The following ELMO1 variants were observed in gnomAD, a reference collection of about 807,000 sequenced individuals.
ELMO1 encodes the protein engulfment and cell motility protein 1.
Under a neutral mutation model 98.9 loss-of-function variants are expected in ELMO1, and 26 were observed. The ratio of observed to expected loss-of-function variants is 0.26; its 90% CI spans 0.19 to 0.36. ELMO1 has a LOEUF of 0.36. Among genes scored for constraint, ELMO1 ranks in the 10% least tolerant of loss-of-function variants. The probability of loss-of-function intolerance (pLI) is 1.00; values close to 1 mark genes in which losing one functional copy is unlikely to be tolerated. For missense variants in ELMO1, 627 were observed against 935.2 expected (o/e 0.67, Z 4.30); for synonymous variants, 346 against 346.0 (o/e 1.00, Z 0.00).
intron 4 of ELMO1, among the ~76,000 whole-genome samples, chr7:37,302,289 C>T (rs1798390394): frequency 6.6e-6 from 1 of 152,184 alleles, no homozygotes; most frequent in Admixed American, 6.5e-5. Context: ...TGCCATGCAC[C>T]AGGCTATGTC....
At chr7:37,323,562 C>T (rs1003503884) in intron 2 of ELMO1, among the ~76,000 whole-genome samples, 2 of 152,038 alleles carry the variant, frequency 1.3e-5, no homozygotes, top group Non-Finnish European at 2.9e-5. Context: ...GTGTGGCAGG[C>T]GCCTGTAATC....
rs1049068167 is a variant in ELMO1 at position 36,870,834 on chromosome 7, C to T, written c.1823-359G>A. ...TGTAATAACAACAGTGATACTCATA[C>T]TGATATTACAGAGGGCTCCTGTGTG... On this transcript the variant is annotated intron_variant, in intron 19 of 21. Coordinates refer to ENST00000310758, the MANE Select transcript of ELMO1 (RefSeq NM_014800.11). This position sits in a 1 kb window ranked among gnomAD's most constrained non-coding sequence, Gnocchi z 4.4. Among the ~76,000 whole-genome samples, 1 of 152,200 alleles carries T rather than the reference C, an allele frequency of 6.6e-6. No homozygotes were observed. Among genetic ancestry groups the T allele is most frequent in the Non-Finnish European group, 1.5e-5 (1 of 68,036 alleles).
intron 17 of ELMO1, among the ~76,000 whole-genome samples, chr7:36,892,485 G>A (rs1234548245): frequency 6.6e-6 from 1 of 152,116 alleles, no homozygotes; most frequent in Non-Finnish European, 1.5e-5. Flanking sequence ...AGTGTCTCTG[G>A]GTCTCTGTCT....
chr7:37,072,439 A>G (rs1797329883), intron 15 of ELMO1, among the ~76,000 whole-genome samples: 1 of 152,208 alleles, frequency 6.6e-6, no homozygotes. Context: ...TGGAACTGTA[A>G]GTTCATTAAA....
chr7:37,173,495 T>G (rs538771842), intron 13 of ELMO1, among the ~76,000 whole-genome samples: 1 of 152,330 alleles, frequency 6.6e-6, no homozygotes, highest in South Asian at 2.1e-4. Flanking sequence ...TATTTCAAAT[T>G]AAGTAGTGAA....
chr7:37,344,176 C>T (rs183329010), intron 1 of ELMO1, among the ~76,000 whole-genome samples: 3 of 151,792 alleles, frequency 2.0e-5, no homozygotes, highest in East Asian at 3.9e-4. Flanking sequence ...GGATTACAGA[C>T]GCACACCACC....
chr7:37,230,407 A>G (rs1794105403), intron 8 of ELMO1, among the ~76,000 whole-genome samples: 1 of 152,142 alleles, frequency 6.6e-6, no homozygotes, highest in African/African-American at 2.4e-5. Flanking sequence ...GGCTCCGGGA[A>G]CTATGCCTTC....
chr7:37,249,791 T>C (rs1190186313), intron 6 of ELMO1, among the ~76,000 whole-genome samples: 1 of 152,186 alleles, frequency 6.6e-6, no homozygotes, highest in Non-Finnish European at 1.5e-5. Flanking sequence ...TTAAAAATAT[T>C]CAGAAAGCCA....
chr7:37,304,090 G>C (rs1199219107), intron 4 of ELMO1, among the ~76,000 whole-genome samples: 1 of 152,012 alleles, frequency 6.6e-6, no homozygotes, highest in Non-Finnish European at 1.5e-5. Context: ...CCTCTCTAGA[G>C]GAAACATAGC....
At chr7:37,027,733 G>A (rs145829459) in intron 15 of ELMO1, among the ~76,000 whole-genome samples, 2 of 152,062 alleles carry the variant, frequency 1.3e-5, no homozygotes, top group African/African-American at 4.8e-5. Context: ...ACAGAGAGGC[G>A]CTCTTAGCAC....
intron 4 of ELMO1, among the ~76,000 whole-genome samples, chr7:37,283,961 A>G (rs1797269427): frequency 6.6e-6 from 1 of 152,202 alleles, no homozygotes; most frequent in African/African-American, 2.4e-5. Context: ...TGGAGGCCAC[A>G]GCTTCTTTTC....
rs531214083 is a variant in ELMO1 at position 37,285,602 on chromosome 7, T to C, written c.193-13720A>G. Among the ~76,000 whole-genome samples, 18 of 152,322 alleles carry C rather than the reference T, an allele frequency of 1.2e-4. No individual in the cohort carries two copies. The South Asian group carries it at 3.1e-3, about 26-fold the overall frequency. The stretch of plus-strand genomic sequence containing the variant: ...ATTGCACCAAACATATAGAATATAA[T>C]GTGTGTTCATGCACTAAGTACTGGT... On this transcript the variant is annotated intron_variant, in intron 4 of 21. Transcript: ENST00000310758.
At chr7:37,161,923 T>TATATATATATATATATATATATATAG (rs1789239358) in intron 13 of ELMO1, among the ~76,000 whole-genome samples, 1 of 99,966 alleles carries the variant, frequency 1.0e-5, no homozygotes, top group Non-Finnish European at 2.2e-5. Context: ...TATATATATA[T>TATATATATATATATATATATATATAG]ATATATATAT....
chr7:36,885,973 G>A (rs1804964961), intron 18 of ELMO1, among the ~76,000 whole-genome samples: 1 of 152,182 alleles, frequency 6.6e-6, no homozygotes, highest in South Asian at 2.1e-4. Flanking sequence ...TGGGGAAATT[G>A]CCCAAGGTCA....
At chr7:37,414,729 C>T (rs1023959737) in intron 1 of ELMO1, among the ~76,000 whole-genome samples, 7 of 152,190 alleles carry the variant, frequency 4.6e-5, no homozygotes, top group East Asian at 1.9e-4. Flanking sequence ...TTAAGCCAGT[C>T]GGCATTCAAT....
At chr7:37,153,569 G>A (rs998777153) in intron 13 of ELMO1, among the ~76,000 whole-genome samples, 1 of 152,198 alleles carries the variant, frequency 6.6e-6, no homozygotes, top group African/African-American at 2.4e-5. Flanking sequence ...GGATGCTGGA[G>A]CCTGGCAGGG....
rs573761786 is a variant in ELMO1 at position 37,167,394 on chromosome 7, G to C, written c.1087-34160C>G. 7.5e-3 allele frequency among the ~76,000 whole-genome samples: 1,141 copies of C among 151,994 alleles called. 9 individuals carry two copies. Among genetic ancestry groups the C allele is most frequent in the African/African-American group, 0.025 (1,049 of 41,430 alleles). On this transcript the variant is annotated intron_variant, in intron 13 of 21. Transcript: ENST00000310758. Reference sequence around the variant, plus strand: ...GATCCTGTCATTATGATGTTAGCTGGTTATTTTGCTCGTTAGTTGATGCAG... The same window carrying C: ...GATCCTGTCATTATGATGTTAGCTGCTTATTTTGCTCGTTAGTTGATGCAG...
At chr7:36,939,100 C>T (rs1202870501) in intron 16 of ELMO1, among the ~76,000 whole-genome samples, 2 of 151,460 alleles carry the variant, frequency 1.3e-5, no homozygotes, top group Non-Finnish European at 2.9e-5. Flanking sequence ...ATTGTTTAAG[C>T]TAATACAAAT....
At chr7:37,286,964 G>C (rs1797422733) in intron 4 of ELMO1, among the ~76,000 whole-genome samples, 1 of 152,310 alleles carries the variant, frequency 6.6e-6, no homozygotes, top group East Asian at 1.9e-4. Context: ...GGAGGTGGAG[G>C]CGGGCAGATC....
Sources: allele counts gnomAD v4.1 joint callset (sites outside exome capture counted in the v4.1 genomes callset), GRCh38; gene constraint gnomAD v4.1.1; non-coding constraint Gnocchi (gnomAD v3.1); transcripts MANE v1.5; gene names NCBI Gene and HGNC (gene_info 2026-07-23, HGNC 2026-07-21).